The following SOX5 variants were observed in gnomAD, a reference collection of about 807,000 sequenced individuals.
SOX5 encodes the protein SRY-box transcription factor 5.
In SOX5, 9 loss-of-function variants were observed where a neutral mutation model predicts 92.0. The observed-to-expected ratio is 0.10, with a 90% CI of 0.06 to 0.17. SOX5 has a LOEUF of 0.17. Ranked by LOEUF, SOX5 falls within the 10% of genes least tolerant of loss-of-function variation. The pLI, the probability that SOX5 is intolerant of heterozygous loss-of-function variation, is 1.00. For synonymous variants in SOX5, 344 were observed against 336.3 expected (o/e 1.02, Z -0.25); for missense variants, 642 against 944.5 (o/e 0.68, Z 4.20).
chr12:24,196,615 A>C (rs574655648), intron 4 of SOX5, among the ~76,000 whole-genome samples: 1 of 152,188 alleles, frequency 6.6e-6, no homozygotes, highest in Non-Finnish European at 1.5e-5. Flanking sequence ...TTATATTCAA[A>C]CTTTAGGGCC....
chr12:24,136,773 C>T lies in SOX5; in HGVS notation c.-2+76570G>A, dbSNP rs140592288. On this transcript the variant is annotated intron_variant, in intron 4 of 4. Transcript: ENST00000446891. Reference sequence around the variant, plus strand: ...AGCAAATTCCCATTTTGGCAAAAGCCCCTGCTTCGACTCCAAAAGTTGAAT... The same window carrying T: ...AGCAAATTCCCATTTTGGCAAAAGCTCCTGCTTCGACTCCAAAAGTTGAAT... Among the ~76,000 whole-genome samples the T allele has an allele frequency of 8.0e-3, 1,212 of 152,338 alleles. 12 individuals carry two copies. Among genetic ancestry groups the T allele is most frequent in the Non-Finnish European group, 0.011 (738 of 68,038 alleles).
intron 3 of SOX5, among the ~76,000 whole-genome samples, chr12:23,836,292 G>A (rs1180097388): frequency 6.6e-6 from 1 of 151,780 alleles, no homozygotes; most frequent in Non-Finnish European, 1.5e-5. Flanking sequence ...TTAAAACCAT[G>A]AATAGACCAT....
chr12:24,519,926 CA>C (rs1230271587), intron 1 of SOX5, among the ~76,000 whole-genome samples: 1 of 151,648 alleles, frequency 6.6e-6, no homozygotes, highest in African/African-American at 2.4e-5. Flanking sequence ...AATTTTGAAA[CA>C]AGAGAAAAGT....
rs77931001 is a variant in SOX5 at position 23,903,791 on chromosome 12, G to A, written c.39-7767C>T. Among the ~76,000 whole-genome samples the A allele has an allele frequency of 5.2e-3, 787 of 152,280 alleles. 4 individuals carry two copies. Among genetic ancestry groups the A allele is most frequent in the Non-Finnish European group, 8.3e-3 (567 of 68,020 alleles). Reference sequence around the variant, plus strand: ...TCTGGTTCCTGTTGTAATTAAGGTTGTTGTGAAAAGGCTAATCAATATTAG... The same window carrying A: ...TCTGGTTCCTGTTGTAATTAAGGTTATTGTGAAAAGGCTAATCAATATTAG... On this transcript the variant is annotated intron_variant, in intron 1 of 14. Coordinates refer to ENST00000451604, the MANE Select transcript of SOX5 (RefSeq NM_006940.6).
At chr12:24,177,409 T>C (rs1954941091) in intron 4 of SOX5, among the ~76,000 whole-genome samples, 1 of 152,168 alleles carries the variant, frequency 6.6e-6, no homozygotes, top group African/African-American at 2.4e-5. Flanking sequence ...AATGCAAATG[T>C]GATGTTTAAA....
intron 2 of SOX5, among the ~76,000 whole-genome samples, chr12:23,858,830 C>A (rs1252932780): frequency 1.3e-5 from 2 of 152,186 alleles, no homozygotes; most frequent in Admixed American, 1.3e-4. Flanking sequence ...AGAACATAAA[C>A]TGTGAAGATT....
chr12:24,173,658 A>T (rs1452871141), intron 4 of SOX5, among the ~76,000 whole-genome samples: 2 of 152,156 alleles, frequency 1.3e-5, no homozygotes, highest in African/African-American at 4.8e-5. Context: ...TGAGGAGTTC[A>T]GTAGTTGCTG....
At chr12:23,685,077 C>T (rs955420784) in intron 6 of SOX5, among the ~76,000 whole-genome samples, 9 of 152,092 alleles carry the variant, frequency 5.9e-5, no homozygotes, top group Admixed American at 5.3e-4. Context: ...CATCATGTCA[C>T]ACTTCATAGG....
chr12:23,751,917 G>A (rs1053636968), intron 4 of SOX5, among the ~76,000 whole-genome samples: 1 of 151,556 alleles, frequency 6.6e-6, no homozygotes, highest in East Asian at 1.9e-4. Flanking sequence ...GAGATTCTAA[G>A]GGGAAACAAA....
At chr12:24,221,691 G>A (rs547605076) in intron 3 of SOX5, among the ~76,000 whole-genome samples, 2 of 152,320 alleles carry the variant, frequency 1.3e-5, no homozygotes, top group African/African-American at 4.8e-5. Flanking sequence ...CTTACAGTCT[G>A]GTGAGTAAAG....
intron 4 of SOX5, among the ~76,000 whole-genome samples, chr12:24,045,988 C>T (rs1223035175): frequency 2.0e-5 from 3 of 152,158 alleles, no homozygotes; most frequent in Admixed American, 1.3e-4. Context: ...CTATCCCAAG[C>T]GTCTGTGTTG....
intron 2 of SOX5, among the ~76,000 whole-genome samples, chr12:23,892,632 C>G (rs2097139883): frequency 6.6e-6 from 1 of 152,072 alleles, no homozygotes; most frequent in Admixed American, 6.6e-5. Context: ...ACTCTTCCAA[C>G]TATTTACTCA....
intron 8 of SOX5, among the ~76,000 whole-genome samples, chr12:23,627,502 A>T (rs1592716676): frequency 6.6e-6 from 1 of 152,144 alleles, no homozygotes; most frequent in Non-Finnish European, 1.5e-5. Context: ...GCTCTTTGCC[A>T]GTTTTATACC....
At chr12:23,916,713 C>A (rs2097421231) in intron 1 of SOX5, among the ~76,000 whole-genome samples, 1 of 152,084 alleles carries the variant, frequency 6.6e-6, no homozygotes. Flanking sequence ...ATCAATGTAG[C>A]CTTTCCGGTT....
intron 4 of SOX5, among the ~76,000 whole-genome samples, chr12:24,172,764 A>G (rs923457132): frequency 6.6e-6 from 1 of 152,200 alleles, no homozygotes; most frequent in Non-Finnish European, 1.5e-5. Flanking sequence ...CAGAAATTTC[A>G]ACTCAAATAA....
chr12:24,101,193 C>A (rs1203472340), intron 4 of SOX5, among the ~76,000 whole-genome samples: 1 of 152,048 alleles, frequency 6.6e-6, no homozygotes, highest in African/African-American at 2.4e-5. Flanking sequence ...TGGTTCCTGC[C>A]TCCATCTCCA....
intron 1 of SOX5, among the ~76,000 whole-genome samples, chr12:24,508,075 G>A (rs141022150): frequency 2.6e-5 from 4 of 152,272 alleles, no homozygotes; most frequent in African/African-American, 9.6e-5. Context: ...GGGCCAGGTT[G>A]CAGCAGCCTC....
At chr12:24,280,094 A>AT (rs747973613) in intron 2 of SOX5, among the ~76,000 whole-genome samples, 2 of 152,154 alleles carry the variant, frequency 1.3e-5, no homozygotes, top group Non-Finnish European at 2.9e-5. Context: ...TGACATAAAA[A>AT]ATATATTCAT....
rs531964950 is a variant in SOX5 at position 24,287,352 on chromosome 12, G to A, written c.-173-10040C>T. On this transcript the variant is annotated intron_variant, in intron 2 of 4. Coordinates refer to the SOX5 transcript ENST00000446891. ...AAATTTACAGTATTAACTTTTTCTC[G>A]TCTTTAAAATCTCTACTCAATTTAC... is the stretch of plus-strand genomic sequence containing the variant. Among the ~76,000 whole-genome samples the A allele has an allele frequency of 1.9e-3, 291 of 152,064 alleles. 1 individual carries two copies. Among genetic ancestry groups the A allele is most frequent in the African/African-American group, 6.3e-3 (261 of 41,468 alleles).
Sources: allele counts gnomAD v4.1 joint callset (sites outside exome capture counted in the v4.1 genomes callset), GRCh38; gene constraint gnomAD v4.1.1; transcripts MANE v1.5; gene names NCBI Gene and HGNC (gene_info 2026-07-23, HGNC 2026-07-21).